UBASH3B: variants seen among roughly 807,000 people sequenced by gnomAD.
UBASH3B encodes the protein ubiquitin associated and SH3 domain containing B.
In UBASH3B, 37 loss-of-function variants were observed where a neutral mutation model predicts 83.4. The observed-to-expected ratio is 0.44, with a 90% CI of 0.34 to 0.58. The LOEUF (loss-of-function observed/expected upper bound fraction) is 0.58, where lower values mean the gene tolerates loss of function less well. UBASH3B is among the 20% of genes least tolerant of loss of function. The pLI is 0.01. For synonymous variants in UBASH3B, 304 were observed against 318.3 expected (o/e 0.96, Z 0.48); for missense variants, 657 against 827.2 (o/e 0.79, Z 2.52).
At position 122,809,732 on chromosome 11, in the gene UBASH3B, T is replaced by C. The variant is rs752789284; in HGVS notation, c.1813-17T>C. 1 of 1,613,872 alleles carries C rather than the reference T, an allele frequency of 6.2e-7. No homozygotes were observed. Among genetic ancestry groups the C allele is most frequent in the Non-Finnish European group, 8.5e-7 (1 of 1,179,944 alleles). On this transcript the variant is annotated splice_polypyrimidine_tract_variant and intron_variant, in intron 13 of 13. Coordinates refer to ENST00000284273, the MANE Select transcript of UBASH3B (RefSeq NM_032873.5). ...CCTATCTCCTAATATCCCCTTTCTT[T>C]ACGACTCTTACTTCAGATCCCATAT...
At chr11:122,754,284 G>T (rs182021177) in intron 1 of UBASH3B, among the ~76,000 whole-genome samples, 4 of 152,344 alleles carry the variant, frequency 2.6e-5, no homozygotes, top group African/African-American at 7.2e-5. Context: ...GATGTTTCAG[G>T]CTTCTCTGTC....
rs1291398206 is a variant in UBASH3B, at chr11:122,810,949, G to A, written c.*1063G>A. ...TCCACAAATGCATCAATTATACCAGGGATGTATAGTAAGTCAGGGAACTAA... is the reference window on the plus strand; with the variant it reads ...TCCACAAATGCATCAATTATACCAGAGATGTATAGTAAGTCAGGGAACTAA... On this transcript the variant is annotated 3_prime_UTR_variant, in exon 14 of 14. Transcript: ENST00000284273. 6.6e-6 allele frequency: 1 copy of A among 152,116 alleles called. No individual in the cohort carries two copies. The highest frequency in any genetic ancestry group is 1.5e-5 in the Non-Finnish European group (1 of 68,026). The allele number at this position is 152,116 out of a possible 1,614,324, so 9.4% of individuals were successfully genotyped here. A position where few individuals can be genotyped will look rare whatever the true frequency, so the allele number is the denominator to read the frequency against.
chr11:122,722,825 A>C (rs1860663559), intron 1 of UBASH3B, among the ~76,000 whole-genome samples: 1 of 150,892 alleles, frequency 6.6e-6, no homozygotes, highest in Non-Finnish European at 1.5e-5. Flanking sequence ...CCTGCCTCAG[A>C]CTCCCGAGTA....
chr11:122,687,270 T>A (rs1054675266), intron 1 of UBASH3B, among the ~76,000 whole-genome samples: 4 of 152,246 alleles, frequency 2.6e-5, no homozygotes, highest in African/African-American at 9.6e-5. Context: ...TTTGATGGCA[T>A]CATGGTAGAC....
At position 122,712,627 on chromosome 11, in the gene UBASH3B, T is replaced by C. The variant is rs141633975; in HGVS notation, c.161+56417T>C. On this transcript the variant is annotated intron_variant, in intron 1 of 13. Coordinates refer to ENST00000284273, the MANE Select transcript of UBASH3B (RefSeq NM_032873.5). ...GCTAGGGAATTTCTACCCCAGAAAG[T>C]ACCCAACAGCCCTGACTAGCTGGGA... Among the ~76,000 whole-genome samples, 228 of 152,178 alleles carry C rather than the reference T, an allele frequency of 1.5e-3. 1 individual carries two copies. Among genetic ancestry groups the C allele is most frequent in the African/African-American group, 5.0e-3 (208 of 41,506 alleles).
chr11:122,801,347 C>A lies in UBASH3B; in HGVS notation c.1595+15C>A, dbSNP rs2135183153. The A allele has an allele frequency of 6.2e-7, 1 of 1,612,458 alleles. No homozygotes were observed. Reference sequence around the variant, plus strand: ...ACAACCTACAGGTAAGCCTCGGAAACTGCTGCTTACTGAGGCCAGTGTGGA... The same window carrying A: ...ACAACCTACAGGTAAGCCTCGGAAAATGCTGCTTACTGAGGCCAGTGTGGA... On this transcript the variant is annotated intron_variant, in intron 11 of 13. Transcript: ENST00000284273.
intron 1 of UBASH3B, among the ~76,000 whole-genome samples, chr11:122,694,954 CTTTTTT>C (rs71054088): frequency 4.2e-4 from 21 of 50,410 alleles, no homozygotes; most frequent in African/African-American, 6.2e-4. Flanking sequence ...TCTTTTCTTT[CTTTTTT>C]TTTTTTTTTT....
intron 1 of UBASH3B, among the ~76,000 whole-genome samples, chr11:122,694,023 G>A (rs995102383): frequency 3.9e-5 from 6 of 152,210 alleles, no homozygotes; most frequent in East Asian, 1.9e-4. Context: ...TCATAAGGTC[G>A]ACTAGGGCAC....
At chr11:122,760,861 G>A (rs1420909338) in intron 1 of UBASH3B, among the ~76,000 whole-genome samples, 2 of 152,182 alleles carry the variant, frequency 1.3e-5, no homozygotes, top group East Asian at 3.9e-4. Flanking sequence ...GTGTAAACTG[G>A]AAATCTCTTT....
At chr11:122,725,285 A>G (rs1423262712) in intron 1 of UBASH3B, among the ~76,000 whole-genome samples, 1 of 149,598 alleles carries the variant, frequency 6.7e-6, no homozygotes, top group Admixed American at 6.8e-5. Flanking sequence ...TTTGGATTTT[A>G]ATAAAATCAC....
chr11:122,723,558 G>C (rs1003355980), intron 1 of UBASH3B, among the ~76,000 whole-genome samples: 1 of 152,228 alleles, frequency 6.6e-6, no homozygotes, highest in Non-Finnish European at 1.5e-5. Context: ...ATTTGGAGAA[G>C]GTGGTGGAAA....
chr11:122,761,647 A>G (rs1408277553), intron 1 of UBASH3B, among the ~76,000 whole-genome samples: 1 of 152,026 alleles, frequency 6.6e-6, no homozygotes, highest in African/African-American at 2.4e-5. Context: ...AAATTACCCA[A>G]GTTTAAGTAT....
chr11:122,700,084 C>G (rs1450080626), intron 1 of UBASH3B, among the ~76,000 whole-genome samples: 2 of 152,158 alleles, frequency 1.3e-5, no homozygotes, highest in Non-Finnish European at 2.9e-5. Context: ...TGTGTGGGTA[C>G]TAGCGGAGAC....
At chr11:122,757,110 A>T (rs1332225996) in intron 1 of UBASH3B, among the ~76,000 whole-genome samples, 1 of 152,232 alleles carries the variant, frequency 6.6e-6, no homozygotes, top group Non-Finnish European at 1.5e-5. Context: ...CTTTGCCTAC[A>T]CGCACATGCA....
chr11:122,800,266 G>A (rs977790625), intron 10 of UBASH3B, among the ~76,000 whole-genome samples: 4 of 151,932 alleles, frequency 2.6e-5, no homozygotes, highest in African/African-American at 7.3e-5. Context: ...GGGGCCAGGC[G>A]CAGTGGCTCA....
chr11:122,755,031 C>T (rs1333222097), intron 1 of UBASH3B, among the ~76,000 whole-genome samples: 1 of 152,162 alleles, frequency 6.6e-6, no homozygotes, highest in Non-Finnish European at 1.5e-5. Context: ...TGCGCCAAGT[C>T]ACTGGGACCT....
intron 9 of UBASH3B, chr11:122,797,356 G>C (rs955365282): frequency 4.7e-6 from 1 of 211,494 alleles, no homozygotes; most frequent in African/African-American, 2.3e-5. Context: ...CATGGCTGTG[G>C]AAGAGGACAA....
chr11:122,752,126 C>T (rs893169605), intron 1 of UBASH3B, among the ~76,000 whole-genome samples: 1 of 152,200 alleles, frequency 6.6e-6, no homozygotes, highest in Admixed American at 6.5e-5. Flanking sequence ...TCTTTTCAAA[C>T]CAAATTTTCT....
chr11:122,715,191 C>T (rs1315461703), intron 1 of UBASH3B, among the ~76,000 whole-genome samples: 5 of 152,124 alleles, frequency 3.3e-5, no homozygotes, highest in African/African-American at 7.2e-5. Flanking sequence ...GTGATCCGCC[C>T]GCCTCGGCCT....
Sources: allele counts gnomAD v4.1 joint callset (sites outside exome capture counted in the v4.1 genomes callset), GRCh38; gene constraint gnomAD v4.1.1; transcripts MANE v1.5; gene names NCBI Gene and HGNC (gene_info 2026-07-23, HGNC 2026-07-21).